RASGEF1C: variants seen among roughly 807,000 people sequenced by gnomAD.
RASGEF1C encodes RasGEF domain family member 1C, also known as ras-GEF domain-containing family member 1C.
Under a neutral mutation model 58.1 loss-of-function variants are expected in RASGEF1C, and 27 were observed. The ratio of observed to expected loss-of-function variants is 0.46; its 90% CI spans 0.34 to 0.64. The LOEUF is 0.64. Among genes scored for constraint, RASGEF1C ranks in the 30% least tolerant of loss-of-function variants. The pLI is 0.01. For synonymous variants in RASGEF1C, 243 were observed against 246.3 expected, an observed-to-expected ratio of 0.99 and a Z score of 0.13; for missense variants, 502 against 605.1, an observed-to-expected ratio of 0.83 and a Z score of 1.79.
intron 12 of RASGEF1C, among the ~76,000 whole-genome samples, chr5:180,104,488 T>C (rs1407585317): frequency 6.6e-6 from 1 of 152,200 alleles, no homozygotes; most frequent in Non-Finnish European, 1.5e-5. Context: ...TTCTGGCCTC[T>C]GAAACTGTAG....
intron 10 of RASGEF1C, 127 bp downstream of exon 10, chr5:180,118,482 C>T (rs187239651): frequency 8.7e-5 from 75 of 862,684 alleles, no homozygotes; most frequent in East Asian, 7.2e-4. Flanking sequence ...GCTGGAGGCA[C>T]GCAAGCAAGG....
chr5:180,116,963 C>T (rs1473525972), intron 10 of RASGEF1C, among the ~76,000 whole-genome samples: 1 of 152,252 alleles, frequency 6.6e-6, no homozygotes, highest in East Asian at 1.9e-4. Flanking sequence ...GAGACTCAGT[C>T]TGCTGATCTG....
intron 1 of RASGEF1C, among the ~76,000 whole-genome samples, chr5:180,151,340 A>C (rs577434422): frequency 0.018 from 2,743 of 152,286 alleles, 75 homozygotes; most frequent in African/African-American, 0.06. Context: ...ACAGTAACCA[A>C]AACAGCATGG....
chr5:180,153,085 A>G (rs374166072), intron 1 of RASGEF1C, among the ~76,000 whole-genome samples: 7 of 152,226 alleles, frequency 4.6e-5, no homozygotes, highest in African/African-American at 1.7e-4. Flanking sequence ...TAGTCCTTAA[A>G]TGCCTGGCTC....
chr5:180,127,189 G>T (rs1282345367), intron 6 of RASGEF1C, among the ~76,000 whole-genome samples: 1 of 152,132 alleles, frequency 6.6e-6, no homozygotes, highest in Admixed American at 6.5e-5. Flanking sequence ...CGGGCAGCGG[G>T]CAGCAACCCG....
intron 1 of RASGEF1C, among the ~76,000 whole-genome samples, chr5:180,174,674 G>A (rs4700907): frequency 0.37 from 56,758 of 151,864 alleles, 10,924 homozygotes; most frequent in African/African-American, 0.43. Flanking sequence ...TGAACCCCCA[G>A]CCCAGTGGCT....
At chr5:180,195,556 C>G (rs998124964) in intron 1 of RASGEF1C, among the ~76,000 whole-genome samples, 1 of 152,002 alleles carries the variant, frequency 6.6e-6, no homozygotes, top group Admixed American at 6.6e-5. Flanking sequence ...GTCAGGAGAT[C>G]AAGACCAGCC....
chr5:180,113,140 T>TGGACGGAG (rs1765992119), intron 11 of RASGEF1C, among the ~76,000 whole-genome samples: 1 of 121,730 alleles, frequency 8.2e-6, no homozygotes, highest in Non-Finnish European at 1.8e-5. Flanking sequence ...GGATCGAGGA[T>TGGACGGAG]GGATGGAGGG....
chr5:180,114,490 C>T lies in RASGEF1C; in HGVS notation c.1135G>A (p.Glu379Lys), dbSNP rs1306927795. 2 of 1,613,058 alleles carry T rather than the reference C, an allele frequency of 1.2e-6. No individual in the cohort carries two copies. The highest frequency in any genetic ancestry group is 1.3e-5 in the African/African-American group (1 of 75,016). The change falls in exon 11 of 14, where the codon GAG becomes AAG. Residue 379 changes from glutamate to lysine, a missense_variant. By Grantham distance (56) the Glu-to-Lys change is moderately conservative (BLOSUM62 1). Coordinates refer to ENST00000361132, the MANE Select transcript of RASGEF1C (RefSeq NM_175062.4). Reference protein sequence around the residue: ...LLIKDIYFLNEGCANRLPNGH... With the variant: ...LLIKDIYFLNKGCANRLPNGH... ...TTGGGAAGGCGGTTGGCGCAGCCCT[C>T]ATTCAGGAAGTAGATGTCTTTGATG...
Position 180,114,531 on chromosome 5 carries a change from G to A in RASGEF1C, c.1094C>T (p.Pro365Leu). The A allele has an allele frequency of 6.2e-7, 1 of 1,610,914 alleles. No individual in the cohort carries two copies. The change falls in exon 11 of 14, where the codon CCT becomes CTT. Residue 365 changes from proline to leucine, a missense_variant. Coordinates refer to ENST00000361132, the MANE Select transcript of RASGEF1C (RefSeq NM_175062.4). ...AHSSREKIVIPFFSLLIKDIY... is the reference protein window; with the variant it reads ...AHSSREKIVILFFSLLIKDIY... Reference sequence around the variant, plus strand: ...GTCTTTGATGAGCAGGCTGAAGAAAGGAATGACAATCTGGAAGAAAGAGGG... The same window carrying A: ...GTCTTTGATGAGCAGGCTGAAGAAAAGAATGACAATCTGGAAGAAAGAGGG...
chr5:180,136,729 G>A (rs1766485293), intron 3 of RASGEF1C: 2 of 575,216 alleles, frequency 3.5e-6, no homozygotes. Context: ...TCTTGCTCTG[G>A]CCTTTCTGCG....
intron 1 of RASGEF1C, among the ~76,000 whole-genome samples, chr5:180,144,587 T>A (rs1766636118): frequency 6.6e-6 from 1 of 152,062 alleles, no homozygotes. Flanking sequence ...TGCAGTGAGC[T>A]GTGACTGCAC....
At chr5:180,174,368 A>G (rs1767173631) in intron 1 of RASGEF1C, among the ~76,000 whole-genome samples, 1 of 151,936 alleles carries the variant, frequency 6.6e-6, no homozygotes, top group South Asian at 2.1e-4. Context: ...AAGCAGGCAG[A>G]GAAAAGGCCC....
chr5:180,165,819 G>C (rs1431393092), intron 1 of RASGEF1C, among the ~76,000 whole-genome samples: 5 of 126,636 alleles, frequency 3.9e-5, no homozygotes, highest in African/African-American at 1.5e-4. Context: ...GTGTGATCTC[G>C]GCTCACTGCA....
chr5:180,185,821 A>G (rs1756025173), intron 1 of RASGEF1C, among the ~76,000 whole-genome samples: 1 of 151,942 alleles, frequency 6.6e-6, no homozygotes, highest in African/African-American at 2.4e-5. Flanking sequence ...GACAAAGCCA[A>G]GCGTGGTGGT....
chr5:180,141,607 G>C (rs1766580577), intron 1 of RASGEF1C, among the ~76,000 whole-genome samples: 2 of 152,204 alleles, frequency 1.3e-5, no homozygotes, highest in African/African-American at 4.8e-5. Flanking sequence ...AAGATTTCTG[G>C]AGAGGGATGG....
chr5:180,193,083 T>C (rs1278630712), intron 1 of RASGEF1C, among the ~76,000 whole-genome samples: 2 of 144,588 alleles, frequency 1.4e-5, no homozygotes, highest in African/African-American at 5.1e-5. Flanking sequence ...TGAGACGGTG[T>C]CTTGCTCTTT....
chr5:180,135,772 G>A (rs770297347), intron 4 of RASGEF1C, among the ~76,000 whole-genome samples: 2 of 152,230 alleles, frequency 1.3e-5, no homozygotes, highest in Non-Finnish European at 2.9e-5. Flanking sequence ...GGCAAGGGCC[G>A]TGTTTACCTG....
At chr5:180,202,257 T>A (rs1756407331) in intron 1 of RASGEF1C, among the ~76,000 whole-genome samples, 1 of 152,054 alleles carries the variant, frequency 6.6e-6, no homozygotes, top group Non-Finnish European at 1.5e-5. Context: ...CAATCTAGAA[T>A]ACAGATGAAA....
Sources: gnomAD v4.1 joint callset for allele counts (sites outside exome capture counted in the v4.1 genomes callset) on GRCh38, gnomAD v4.1.1 for gene constraint, MANE v1.5 for transcripts, NCBI Gene and HGNC (gene_info 2026-07-23, HGNC 2026-07-21) for gene names.